SNRNP40: variants seen among roughly 807,000 people sequenced by gnomAD.
SNRNP40 encodes the protein small nuclear ribonucleoprotein U5 subunit 40.
Under a neutral mutation model 45.8 loss-of-function variants are expected in SNRNP40, and 21 were observed. The observed-to-expected ratio is 0.46, with a 90% CI of 0.32 to 0.66. SNRNP40 has a LOEUF of 0.66. Ranked by LOEUF, SNRNP40 falls within the 30% of genes least tolerant of loss-of-function variation. The pLI, the probability that SNRNP40 is intolerant of heterozygous loss-of-function variation, is 0.03. For synonymous variants in SNRNP40, 142 were observed against 163.8 expected, an observed-to-expected ratio of 0.87 and a Z score of 1.01; for missense variants, 344 against 439.1, an observed-to-expected ratio of 0.78 and a Z score of 1.94.
chr1:31,269,186 A>G lies in SNRNP40; in HGVS notation c.830T>C (p.Phe277Ser). ...TTCAAAGTTGTGCACATTTCCTTGA[A>G]ATATCTTTACACATCTCTCTTTGGG... ...FAPKERCVKIFQGNVHNFEKN... is the reference protein window; with the variant it reads ...FAPKERCVKISQGNVHNFEKN... Residue 277 changes from phenylalanine (F) to serine (S), a missense_variant, in exon 7 of 10, where the codon TTT becomes TCT. Transcript: ENST00000263694. The G allele has an allele frequency of 6.2e-7, 1 of 1,608,742 alleles. No individual in the cohort carries two copies. Among genetic ancestry groups the G allele is most frequent in the Non-Finnish European group, 8.5e-7 (1 of 1,178,396 alleles).
chr1:31,268,112 T>C (rs1645912028), intron 7 of SNRNP40, among the ~76,000 whole-genome samples, 180 bp from the exon 8 acceptor site: 1 of 152,112 alleles, frequency 6.6e-6, no homozygotes. Context: ...TTTTACACCA[T>C]ATAAAAACTG....
chr1:31,271,522 C>G (rs1170163062), intron 5 of SNRNP40, 23 bp from the exon 6 acceptor site: 3 of 1,589,998 alleles, frequency 1.9e-6, no homozygotes, highest in Admixed American at 3.8e-5. Context: ...AAAGGTGCCC[C>G]CAGAAATCAA....
chr1:31,296,665 C>T lies in SNRNP40; in HGVS notation c.87G>A (p.Gly29=), dbSNP rs112029809. ...RQRHELLLGA[G]SGPGAGQQQA... ...GCTGCTGCCCGGCTCCTGGGCCAGA[C>T]CCCGCTCCCAACAGCAACTCATGCC... Residue 29 remains glycine, a synonymous_variant, in exon 1 of 10, where the codon GGG becomes GGA. Transcript: ENST00000263694. 8.6e-5 allele frequency: 138 copies of T among 1,613,838 alleles called. No homozygotes were observed. The highest frequency in any genetic ancestry group is 3.3e-4 in the Middle Eastern group (2 of 6,082).
At chr1:31,263,793 TC>T (rs932756943) in intron 8 of SNRNP40, 3 of 232,962 alleles carry the variant, frequency 1.3e-5, no homozygotes, top group African/African-American at 2.4e-5. Context: ...AGCAGGGGGT[TC>T]CTATGTTCCT....
In SNRNP40 at chr1:31,289,610, A is replaced by G. The variant is rs576412844; in HGVS notation, c.366-191T>C. 2.4e-4 allele frequency among the ~76,000 whole-genome samples: 36 copies of G among 152,202 alleles called. 1 individual carries two copies. In the South Asian group the frequency reaches 4.1e-3, roughly 18 times the overall value. ...TGTCCTCTAGGCCCAGATGGCCCAGATAAAAGATCTACCCCTGTGAAGTTT... is the reference window on the plus strand; with the variant it reads ...TGTCCTCTAGGCCCAGATGGCCCAGGTAAAAGATCTACCCCTGTGAAGTTT... On this transcript the variant is annotated intron_variant, in intron 3 of 9. Coordinates refer to ENST00000263694, the MANE Select transcript of SNRNP40 (RefSeq NM_004814.3).
chr1:31,279,042 C>CA (rs955262579), intron 5 of SNRNP40, among the ~76,000 whole-genome samples: 1 of 97,904 alleles, frequency 1.0e-5, no homozygotes, highest in Non-Finnish European at 2.5e-5. Context: ...AAAACACATA[C>CA]AAAAAACAAA....
At chr1:31,284,866 C>T (rs529871763) in intron 4 of SNRNP40, among the ~76,000 whole-genome samples, 13 of 152,122 alleles carry the variant, frequency 8.5e-5, no homozygotes, top group South Asian at 2.1e-4. Flanking sequence ...CTAAAAAGAA[C>T]GCTTCACTCC....
chr1:31,293,472 C>A (rs890923607), intron 1 of SNRNP40, 124 bp from the exon 2 acceptor site: 48 of 946,822 alleles, frequency 5.1e-5, no homozygotes, highest in Non-Finnish European at 6.8e-5. Flanking sequence ...ATCTGACTTA[C>A]AGAATGGTAG....
intron 9 of SNRNP40, 78 bp from the exon 10 acceptor site, chr1:31,260,199 G>A (rs1645848930): frequency 1.1e-6 from 1 of 947,782 alleles, no homozygotes; most frequent in Admixed American, 2.5e-5. Flanking sequence ...TGTGTCAAGA[G>A]CCAATTCTGG....
intron 4 of SNRNP40, among the ~76,000 whole-genome samples, chr1:31,283,835 C>G (rs1323496490): frequency 6.6e-6 from 1 of 152,226 alleles, no homozygotes; most frequent in Non-Finnish European, 1.5e-5. Context: ...TGGCTAACCA[C>G]ATGCCAAAGA....
At chr1:31,276,002 C>A (rs1405137723) in intron 5 of SNRNP40, among the ~76,000 whole-genome samples, 1 of 152,186 alleles carries the variant, frequency 6.6e-6, no homozygotes, top group African/African-American at 2.4e-5. Context: ...TAATGATTCA[C>A]ATGAAACAGC....
At chr1:31,265,995 A>T (rs953542258) in intron 8 of SNRNP40, among the ~76,000 whole-genome samples, 1 of 152,146 alleles carries the variant, frequency 6.6e-6, no homozygotes, top group Non-Finnish European at 1.5e-5. Flanking sequence ...AATTCTTTAG[A>T]TTTCCCTCTT....
At chr1:31,282,494 T>C (rs948333668) in intron 4 of SNRNP40, 1 of 148,286 alleles carries the variant, frequency 6.7e-6, no homozygotes, top group Non-Finnish European at 1.5e-5. Flanking sequence ...TATCTATCTA[T>C]CTATCTATCT....
chr1:31,266,089 C>G (rs551106413), intron 8 of SNRNP40, among the ~76,000 whole-genome samples: 1 of 152,120 alleles, frequency 6.6e-6, no homozygotes, highest in South Asian at 2.1e-4. Context: ...CCAGAAAATA[C>G]CTGAATACTT....
In SNRNP40 at chr1:31,265,495, T is replaced by A. The variant is rs1235508101; in HGVS notation, c.920+2376A>T. 2.0e-5 allele frequency among the ~76,000 whole-genome samples: 3 copies of A among 152,050 alleles called. No homozygotes were observed. In the East Asian group the frequency reaches 5.8e-4, roughly 29 times the overall value. Reference sequence around the variant, plus strand: ...GACATTGCAATTCAGAAAGGGCCAATGCCAGAAACAAACTGCTCATCAGAA... The same window carrying A: ...GACATTGCAATTCAGAAAGGGCCAAAGCCAGAAACAAACTGCTCATCAGAA... On this transcript the variant is annotated intron_variant, in intron 8 of 9. Coordinates refer to ENST00000263694, the MANE Select transcript of SNRNP40 (RefSeq NM_004814.3).
chr1:31,283,766 T>A (rs1646036294), intron 4 of SNRNP40, among the ~76,000 whole-genome samples: 1 of 152,208 alleles, frequency 6.6e-6, no homozygotes, highest in Non-Finnish European at 1.5e-5. Context: ...AAGAAGCAAG[T>A]AACTATGGTC....
rs535372683 is a variant in SNRNP40, at chr1:31,276,218, G to A, written c.655-4719C>T. ...CCATTTAGACACAAGAAATGGAGAT[G>A]AGGTTAAAACAACTTTTTTAAGATC... On this transcript the variant is annotated intron_variant, in intron 5 of 9. Coordinates refer to ENST00000263694, the MANE Select transcript of SNRNP40 (RefSeq NM_004814.3). Among the ~76,000 whole-genome samples the A allele has an allele frequency of 2.0e-5, 3 of 152,298 alleles. No homozygotes were observed. The South Asian group carries it at 6.2e-4, about 32-fold the overall frequency.
At chr1:31,294,430 G>A (rs113950315) in intron 1 of SNRNP40, among the ~76,000 whole-genome samples, 2 of 150,958 alleles carry the variant, frequency 1.3e-5, no homozygotes, top group African/African-American at 4.8e-5. Context: ...AATCTCTTCA[G>A]TACTTCCCAG....
At position 31,259,865 on chromosome 1, in the gene SNRNP40, G is replaced by A. The variant is rs1645845869; in HGVS notation, c.*207C>T. 1 of 696,930 alleles carries A rather than the reference G, an allele frequency of 1.4e-6. No homozygotes were observed. Among genetic ancestry groups the A allele is most frequent in the Non-Finnish European group, 2.6e-6 (1 of 381,610 alleles). The allele number at this position is 696,930 out of a possible 1,614,324, so 43.2% of individuals were successfully genotyped here. ...AACAGTCCCTGAAATCTGGCAGGTGGTTTTTAGAGGCCACAGGGAGCTTGC... is the reference window on the plus strand; with the variant it reads ...AACAGTCCCTGAAATCTGGCAGGTGATTTTTAGAGGCCACAGGGAGCTTGC... On this transcript the variant is annotated 3_prime_UTR_variant, in exon 10 of 10. Transcript: ENST00000263694.
Sources: allele counts gnomAD v4.1 joint callset (sites outside exome capture counted in the v4.1 genomes callset), GRCh38; gene constraint gnomAD v4.1.1; transcripts MANE v1.5; gene names NCBI Gene and HGNC (gene_info 2026-07-23, HGNC 2026-07-21).